Variants in REG3G observed in about 807,000 individuals in gnomAD.
REG3G encodes the protein regenerating family member 3 gamma, also known as regenerating islet-derived protein 3-gamma.
Under a neutral mutation model 20.9 loss-of-function variants are expected in REG3G, and 19 were observed. The observed-to-expected ratio is 0.91, with a 90% CI of 0.64 to 1.34. The LOEUF is 1.34. REG3G is among the 40% of genes most tolerant of loss of function. REG3G has a pLI of 0.00. For synonymous variants in REG3G, 89 were observed against 77.4 expected (o/e 1.15, Z -0.79); for missense variants, 235 against 205.0 (o/e 1.15, Z -0.89).
chr2:79,028,170 T>C (rs760133212), intron 5 of REG3G, 39 bp from the exon 6 acceptor site: 1 of 1,497,924 alleles, frequency 6.7e-7, no homozygotes, highest in South Asian at 1.1e-5. Flanking sequence ...GGTTCACAAG[T>C]TCCCCCAGCC....
At chr2:79,026,980 G>T in intron 3 of REG3G, 54 bp from the exon 4 acceptor site, 3 of 1,610,658 alleles carry the variant, frequency 1.9e-6, no homozygotes, top group Non-Finnish European at 2.5e-6. Flanking sequence ...CCTTTTCCCT[G>T]CCCTCCCTCA....
chr2:79,027,235 CT>C, intron 4 of REG3G, 64 bp downstream of exon 4: 1 of 1,548,862 alleles, frequency 6.5e-7, no homozygotes, highest in Non-Finnish European at 8.9e-7. Context: ...GGCGCACTCC[CT>C]GTCCCCAGTC....
At chr2:79,026,637 C>A in intron 2 of REG3G, 76 bp from the exon 3 acceptor site, 1 of 1,191,950 alleles carries the variant, frequency 8.4e-7, no homozygotes, top group Non-Finnish European at 1.2e-6. Context: ...CAAGGGCAGA[C>A]CTAGATATTC....
In REG3G at chr2:79,026,788, G is replaced by C. The variant is rs1401598854; in HGVS notation, c.152G>C (p.Cys51Ser). ...GGCTCCAAGGCCTATGGCTCCCCCT[G>C]CTATGCCTTGTTTTTGTCACCAAAA... The part of the protein sequence containing the change: ...PKGSKAYGSP[C>S]YALFLSPKSW... The change falls in exon 3 of 6, where the codon TGC (cysteine) becomes TCC (serine). Residue 51 changes from cysteine (C) to serine (S), a missense_variant. By Grantham distance (112) the Cys-to-Ser change is moderately radical. Transcript: ENST00000272324. 6.2e-7 allele frequency: 1 copy of C among 1,613,618 alleles called. No homozygotes were observed. The highest frequency in any genetic ancestry group is 1.7e-5 in the Admixed American group (1 of 59,974).
At position 79,026,737 on chromosome 2, in the gene REG3G, C is replaced by G. The variant is rs536220068; in HGVS notation, c.101C>G (p.Pro34Arg). ...GGTGAAGAAACCCAGAAGGAACTGC[C>G]CTCTCCACGGATCAGCTGTCCCAAA... ...VQGEETQKEL[P>R]SPRISCPKGS... Residue 34 changes from proline (P) to arginine (R), a missense_variant, in exon 3 of 6, where the codon CCC (proline) becomes CGC (arginine). By Grantham distance (103) the Pro-to-Arg change is moderately radical. Coordinates refer to ENST00000272324, the MANE Select transcript of REG3G (RefSeq NM_001008387.3). The G allele has an allele frequency of 6.2e-7, 1 of 1,613,858 alleles. No individual in the cohort carries two copies. Among genetic ancestry groups the G allele is most frequent in the African/African-American group, 1.3e-5 (1 of 75,010 alleles).
intron 4 of REG3G, 91 bp from the exon 5 acceptor site, chr2:79,027,716 T>G (rs954539234): frequency 6.8e-7 from 1 of 1,472,324 alleles, no homozygotes; most frequent in African/African-American, 1.4e-5. Context: ...TCCCTGATGC[T>G]GGGGAGGAAT....
At position 79,026,231 on chromosome 2, in the gene REG3G, G is replaced by T. The variant is rs542722872; in HGVS notation, c.76+62G>T. ...GAATCCTCAGAGCCAAGAAAAGGAG[G>T]AAGGCTCCTGTGTGTCACGTGAGGT... is the stretch of plus-strand genomic sequence containing the variant. On this transcript the variant is annotated intron_variant, in intron 2 of 5. Coordinates refer to ENST00000272324, the MANE Select transcript of REG3G (RefSeq NM_001008387.3). The T allele has an allele frequency of 6.5e-6, 10 of 1,533,684 alleles. No individual in the cohort carries two copies. The Admixed American group carries it at 1.5e-4, about 23-fold the overall frequency.
At chr2:79,027,745 G>C (rs1671660476) in intron 4 of REG3G, 62 bp from the exon 5 acceptor site, 11 of 1,601,928 alleles carry the variant, frequency 6.9e-6, no homozygotes, top group South Asian at 6.6e-5. Context: ...ACAGCTCAGG[G>C]GCCATGCAAA....
In REG3G at chr2:79,028,209, G is replaced by T. The variant is rs748178901; in HGVS notation, c.461G>T (p.Gly154Val). 6.2e-7 allele frequency: 1 copy of T among 1,609,348 alleles called. No homozygotes were observed. Among genetic ancestry groups the T allele is most frequent in the Admixed American group, 1.7e-5 (1 of 60,000 alleles). Residue 154 changes from glycine (G) to valine (V), a missense_variant and splice_region_variant, in exon 6 of 6, where the codon GGA becomes GTA. Physicochemically the swap from Gly to Val is moderately radical, Grantham distance 109 (BLOSUM62 -3). Coordinates refer to ENST00000272324, the MANE Select transcript of REG3G (RefSeq NM_001008387.3). ...GHCGSLSRST[G>V]FLKWKDYNCD... ...TGCCTTTTATATTCTGTCTCCCTAG[G>T]ATTTCTGAAGTGGAAAGATTATAAC...
In REG3G at chr2:79,025,960, G is replaced by C. The variant is rs139962460; in HGVS notation, c.-111-23G>C. The stretch of plus-strand genomic sequence containing the variant: ...CTCATTCAGAACTGTAGAAGATGAT[G>C]AATGTGACCAAGATCACTTCAGTCC... On this transcript the variant is annotated intron_variant, in intron 1 of 5. Coordinates refer to ENST00000272324, the MANE Select transcript of REG3G (RefSeq NM_001008387.3). The C allele has an allele frequency of 3.9e-5, 31 of 787,900 alleles. No individual in the cohort carries two copies. The Middle Eastern group carries it at 1.9e-3, about 49-fold the overall frequency. The allele number at this position is 787,900 out of a possible 1,614,324, so 48.8% of individuals were successfully genotyped here.
chr2:79,026,354 C>A, intron 2 of REG3G, 185 bp downstream of exon 2: 2 of 634,652 alleles, frequency 3.2e-6, no homozygotes, highest in Non-Finnish European at 5.5e-6. Context: ...GGTCCACTAA[C>A]AATGGAATGA....
chr2:79,027,920 G>A lies in REG3G; in HGVS notation c.447G>A (p.Leu149=), dbSNP rs1449675894. The A allele has an allele frequency of 6.2e-7, 1 of 1,613,932 alleles. No homozygotes were observed. Among genetic ancestry groups the A allele is most frequent in the African/African-American group, 1.3e-5 (1 of 74,934 alleles). The change falls in exon 5 of 6, where the codon CTG becomes CTA. Residue 149 remains leucine (L), a synonymous_variant. Coordinates refer to ENST00000272324, the MANE Select transcript of REG3G (RefSeq NM_001008387.3). The part of the protein sequence containing the change: ...TILNPGHCGS[L]SRSTGFLKWK... ...TAAACCCTGGCCACTGTGGGAGCCT[G>A]TCAAGAAGCACAGGTAAGAAACAGA... is the stretch of plus-strand genomic sequence containing the variant.
At chr2:79,027,694 A>G in intron 4 of REG3G, 113 bp from the exon 5 acceptor site, 1 of 1,280,258 alleles carries the variant, frequency 7.8e-7, no homozygotes, top group South Asian at 1.4e-5. Context: ...CATCTGGAAG[A>G]TCAGACCAAA....
chr2:79,026,357 T>G (rs565339220), intron 2 of REG3G, 188 bp downstream of exon 2: 1 of 625,572 alleles, frequency 1.6e-6, no homozygotes, highest in African/African-American at 1.8e-5. Context: ...CCACTAACAA[T>G]GGAATGAGAT....
At chr2:79,026,972 T>A in intron 3 of REG3G, 62 bp from the exon 4 acceptor site, 2 of 1,604,726 alleles carry the variant, frequency 1.2e-6, no homozygotes, top group Non-Finnish European at 8.5e-7. Flanking sequence ...CCCACCTACC[T>A]TTTCCCTGCC....
In REG3G at chr2:79,026,586, A is replaced by G. The variant is rs1022076194; in HGVS notation, c.77-127A>G. 1.4e-5 allele frequency: 11 copies of G among 766,636 alleles called. No homozygotes were observed. The African/African-American group carries it at 1.9e-4, about 13-fold the overall frequency. The allele number at this position is 766,636 out of a possible 1,614,324, so 47.5% of individuals were successfully genotyped here. ...TGAGATAAAGAACTTCTGAAAACAC[A>G]AGGGAAGATGAAGAGCTGTCAGGAA... On this transcript the variant is annotated intron_variant, in intron 2 of 5. Coordinates refer to ENST00000272324, the MANE Select transcript of REG3G (RefSeq NM_001008387.3).
chr2:79,027,058 G>A lies in REG3G; in HGVS notation c.220G>A (p.Gly74Arg). ...GCTGGCTTGCCAGAAGCGGCCCTCT[G>A]GAAAACTGGTGTCTGTGCTCAGTGG... ...ADLACQKRPS[G>R]KLVSVLSGAE... The change falls in exon 4 of 6, where the codon GGA becomes AGA. Residue 74 changes from glycine (G) to arginine (R), a missense_variant. Gly to Arg is a moderately radical substitution (Grantham distance 125, BLOSUM62 -2). Coordinates refer to ENST00000272324, the MANE Select transcript of REG3G (RefSeq NM_001008387.3). 1.9e-6 allele frequency: 3 copies of A among 1,614,070 alleles called. No homozygotes were observed. The South Asian group carries it at 3.3e-5, about 18-fold the overall frequency.
rs1213678940 is a variant in REG3G at position 79,026,154 on chromosome 2, CT to C, written c.62del (p.Leu21ArgfsTer72). ...GATGCTGCTTTCCTGCCTCATTCTC[CT>C]GTGTCAGGTTCAAGGTGAGATTTCT... ...SWMLLSCLIL[L>X]CQVQGEETQK... On this transcript the variant is annotated frameshift_variant, in exon 2 of 6. Coordinates refer to ENST00000272324, the MANE Select transcript of REG3G (RefSeq NM_001008387.3). LOFTEE classifies it high-confidence loss of function. The C allele has an allele frequency of 1.2e-6, 2 of 1,613,830 alleles. No individual in the cohort carries two copies. Among genetic ancestry groups the C allele is most frequent in the African/African-American group, 2.7e-5 (2 of 74,916 alleles).
Position 79,028,322 on chromosome 2 carries a change from T to C in REG3G, c.*46T>C. 7.8e-7 allele frequency: 1 copy of C among 1,283,556 alleles called. No homozygotes were observed. Among genetic ancestry groups the C allele is most frequent in the African/African-American group, 1.5e-5 (1 of 68,748 alleles). 79.5% of individuals were successfully genotyped at this position (1,283,556 alleles called of 1,614,324 possible). ...CCTGAGCTTGGCGTGCAGCTCATCA[T>C]GGACATGAGACCAGTGTGAAGACTC... On this transcript the variant is annotated 3_prime_UTR_variant, in exon 6 of 6. Coordinates refer to ENST00000272324, the MANE Select transcript of REG3G (RefSeq NM_001008387.3).
Sources: gnomAD v4.1 joint callset for allele counts on GRCh38, gnomAD v4.1.1 for gene constraint, MANE v1.5 for transcripts, NCBI Gene and HGNC (gene_info 2026-07-23, HGNC 2026-07-21) for gene names.